DSP: variants seen among roughly 807,000 people sequenced by gnomAD.
The protein encoded by DSP is 250/210 kDa paraneoplastic pemphigus antigen.
In DSP, 114 loss-of-function variants were observed where a neutral mutation model predicts 290.6. The ratio of observed to expected loss-of-function variants is 0.39; its 90% CI spans 0.34 to 0.46. DSP has a LOEUF of 0.46. Among genes scored for constraint, DSP ranks in the 20% least tolerant of loss-of-function variants. DSP has a pLI of 0.99. For synonymous variants in DSP, 1,311 were observed against 1,316.4 expected (o/e 1.00, Z 0.09); for missense variants, 3,230 against 3,495.8 (o/e 0.92, Z 1.92).
chr6:7,544,766 C>G (rs1758123098), intron 1 of DSP, among the ~76,000 whole-genome samples: 1 of 152,142 alleles, frequency 6.6e-6, no homozygotes, highest in South Asian at 2.1e-4. Context: ...TATTAGATCT[C>G]ATTGTATCCT....
intron 15 of DSP, 123 bp downstream of exon 15, chr6:7,572,191 T>C: frequency 1.1e-6 from 1 of 900,194 alleles, no homozygotes; most frequent in South Asian, 1.5e-5. Context: ...AAAACAGGCT[T>C]CTGGCAGGAT....
chr6:7,559,173 G>A (rs1398018067), intron 3 of DSP, 53 bp from the exon 4 acceptor site: 21 of 1,601,740 alleles, frequency 1.3e-5, no homozygotes, highest in Middle Eastern at 1.8e-4. Context: ...TGCCCAGAAC[G>A]GGTTTTCATA....
At chr6:7,557,594 C>T (rs1266157823) in intron 2 of DSP, among the ~76,000 whole-genome samples, 1 of 152,166 alleles carries the variant, frequency 6.6e-6, no homozygotes, top group African/African-American at 2.4e-5. Context: ...GCAGGAGAAT[C>T]ACTTGAATCC....
rs1230995902 is a variant in DSP at position 7,569,330 on chromosome 6, C to G, written c.1564C>G (p.Leu522Val). 3.7e-6 allele frequency: 6 copies of G among 1,614,082 alleles called. No homozygotes were observed. The Admixed American group carries it at 6.7e-5, about 18-fold the overall frequency. The change falls in exon 12 of 24, where the codon CTC (leucine) becomes GTC (valine). Residue 522 changes from leucine to valine, a missense_variant. By Grantham distance (32) the Leu-to-Val change is conservative. Coordinates refer to ENST00000379802, the MANE Select transcript of DSP (RefSeq NM_004415.4). The stretch of plus-strand genomic sequence containing the variant: ...TCCTCCGAACCCACTGGCCGTGGAC[C>G]TCTCTTGCAAGTAAGTCATCCAAGT... ...IPPPNPLAVD[L>V]SCKIEQYYEA...
Position 7,575,216 on chromosome 6 carries a change from G to T in DSP, c.2437-79G>T, listed in dbSNP as rs1021036007. 5 of 1,450,436 alleles carry T rather than the reference G, an allele frequency of 3.4e-6. No homozygotes were observed. The African/African-American group carries it at 7.0e-5, about 20-fold the overall frequency. 89.8% of individuals were successfully genotyped at this position (1,450,436 alleles called of 1,614,324 possible). A position where few individuals can be genotyped will look rare whatever the true frequency, so the allele number is the denominator to read the frequency against. On this transcript the variant is annotated intron_variant, in intron 17 of 23. Transcript: ENST00000379802. ...TCTAAAGTGTTTTATAAACTTTGCCGCCCAATTTGGTGACTTGTAGTGTAG... is the reference window on the plus strand; with the variant it reads ...TCTAAAGTGTTTTATAAACTTTGCCTCCCAATTTGGTGACTTGTAGTGTAG...
chr6:7,578,738 GCTGCTT>G (rs1225188306), intron 22 of DSP, among the ~76,000 whole-genome samples, 176 bp downstream of exon 22: 2 of 152,160 alleles, frequency 1.3e-5, no homozygotes, highest in Non-Finnish European at 1.5e-5. Context: ...GCTCCAATAC[GCTGCTT>G]TAAATGAACT....
rs1759234598 is a variant in DSP at position 7,576,201 on chromosome 6, T to C, written c.2631-93T>C. 22 of 1,373,002 alleles carry C rather than the reference T, an allele frequency of 1.6e-5. No individual in the cohort carries two copies. The South Asian group carries it at 2.7e-4, about 17-fold the overall frequency. 85.1% of individuals were successfully genotyped at this position (1,373,002 alleles called of 1,614,324 possible). On this transcript the variant is annotated intron_variant, in intron 18 of 23. Coordinates refer to ENST00000379802, the MANE Select transcript of DSP (RefSeq NM_004415.4). ...TATGTGGGAATATGATCAGTTTTCT[T>C]GGGTATATATCAAGTGAATTTCTGG...
At chr6:7,552,167 A>G (rs1437199313) in intron 1 of DSP, among the ~76,000 whole-genome samples, 1 of 152,120 alleles carries the variant, frequency 6.6e-6, no homozygotes, top group East Asian at 1.9e-4. Flanking sequence ...CAACCCTTCA[A>G]AGGATTAGAT....
chr6:7,583,937 T>G lies in DSP; in HGVS notation c.6675T>G (p.Ser2225=). 1 of 1,614,230 alleles carries G rather than the reference T, an allele frequency of 6.2e-7. No homozygotes were observed. The highest frequency in any genetic ancestry group is 2.2e-5 in the East Asian group (1 of 44,884). The change falls in exon 24 of 24, where the codon TCT becomes TCG. Residue 2225 remains serine, a synonymous_variant. Coordinates refer to ENST00000379802, the MANE Select transcript of DSP (RefSeq NM_004415.4). This position sits in a 1 kb window ranked among gnomAD's most constrained non-coding sequence, Gnocchi z 4.0. ...TGACCGTCACTGAGCTAGTAGATTC[T>G]GGTATATTGAGACCGTCCACTGTCA... ...QPVTVTELVD[S]GILRPSTVNE... is the part of the protein sequence containing the mutation.
In DSP at chr6:7,579,221, T is replaced by C; in HGVS notation, c.3085-54T>C. ...TGGGAGGGGAAAAGTACTGCTTCTT[T>C]CTTGGAATGTGAGGTGTTTTTCTTT... On this transcript the variant is annotated intron_variant, in intron 22 of 23. Transcript: ENST00000379802. This position sits in a 1 kb window ranked among gnomAD's most constrained non-coding sequence, Gnocchi z 4.1. 1 of 1,604,468 alleles carries C rather than the reference T, an allele frequency of 6.2e-7. No individual in the cohort carries two copies. The highest frequency in any genetic ancestry group is 8.5e-7 in the Non-Finnish European group (1 of 1,175,040).
At position 7,585,462 on chromosome 6, in the gene DSP, G is replaced by C; in HGVS notation, c.8200G>C (p.Gly2734Arg). Reference protein sequence around the residue: ...QRFLEFQYLTGGLVDPEVHGR... With the variant: ...QRFLEFQYLTRGLVDPEVHGR... The stretch of plus-strand genomic sequence containing the variant: ...CTTCCTGGAGTTCCAGTACCTCACG[G>C]GAGGTCTTGTTGACCCGGAAGTGCA... The change falls in exon 24 of 24, where the codon GGA (glycine) becomes CGA (arginine). Residue 2734 changes from glycine to arginine, a missense_variant. Transcript: ENST00000379802. 6.2e-7 allele frequency: 1 copy of C among 1,614,174 alleles called. No homozygotes were observed. Among genetic ancestry groups the C allele is most frequent in the Non-Finnish European group, 8.5e-7 (1 of 1,180,030 alleles).
At chr6:7,562,968 A>G (rs551093958) in intron 5 of DSP, among the ~76,000 whole-genome samples, 188 bp downstream of exon 5, 58 of 152,312 alleles carry the variant, frequency 3.8e-4, no homozygotes, top group African/African-American at 1.3e-3. Flanking sequence ...TTATGTTAAC[A>G]CTTGAAGAGG....
rs564743290 is a variant in DSP, at chr6:7,548,191, C to T, written c.170+6106C>T. Among the ~76,000 whole-genome samples the T allele has an allele frequency of 2.6e-3, 390 of 151,958 alleles. 3 individuals are homozygous for T. Among genetic ancestry groups the T allele is most frequent in the African/African-American group, 9.1e-3 (375 of 41,436 alleles). On this transcript the variant is annotated intron_variant, in intron 1 of 23. Transcript: ENST00000379802. ...CTGAGGCAGAAGAATCGCTTGAACC[C>T]GGGAGGCAGAGGTTGCAGCGAGCTG... is the stretch of plus-strand genomic sequence containing the variant.
intron 1 of DSP, among the ~76,000 whole-genome samples, chr6:7,547,788 ACT>A (rs911424668): frequency 1.3e-4 from 19 of 151,590 alleles, no homozygotes; most frequent in African/African-American, 4.6e-4. Flanking sequence ...AAAGTGTATC[ACT>A]CTCTGTGAAT....
chr6:7,543,027 G>A (rs929159272), intron 1 of DSP, among the ~76,000 whole-genome samples: 2 of 152,158 alleles, frequency 1.3e-5, no homozygotes, highest in African/African-American at 4.8e-5. Flanking sequence ...AGCTTCTCCG[G>A]ATCCCAGCGG....
At position 7,571,866 on chromosome 6, in the gene DSP, A is replaced by G. The variant is rs1759064128; in HGVS notation, c.1928A>G (p.His643Arg). 2.5e-6 allele frequency: 4 copies of G among 1,613,438 alleles called. No homozygotes were observed. Among genetic ancestry groups the G allele is most frequent in the African/African-American group, 1.3e-5 (1 of 75,056 alleles). Residue 643 changes from histidine (H) to arginine (R), a missense_variant, in exon 15 of 24, where the codon CAT becomes CGT. By Grantham distance (29) the His-to-Arg change is conservative. Coordinates refer to ENST00000379802, the MANE Select transcript of DSP (RefSeq NM_004415.4). ...QTVTTTEITH[H>R]GTCQDVNHNK... ...GTGACCACAACTGAAATCACTCATC[A>G]TGGAACCTGCCAAGATGTCAACCAT...
rs56891607 is a variant in DSP, at chr6:7,573,118, A to ATG, written c.2131-948_2131-947dup. ...GCAAGACCCTTCTCTTTAAAAAAAA[A>ATG]TGTGTGTGTGTGTGTGTGTGTTTAT... On this transcript the variant is annotated intron_variant, in intron 15 of 23. Transcript: ENST00000379802. Among the ~76,000 whole-genome samples the ATG allele has an allele frequency of 6.6e-3, 996 of 149,992 alleles. 5 individuals carry two copies. Among genetic ancestry groups the ATG allele is most frequent in the Middle Eastern group, 0.041 (12 of 290 alleles).
rs569786610 is a variant in DSP, at chr6:7,580,261, G to C, written c.4071G>C (p.Glu1357Asp). ...GTAAGGTAAGAAACAATTATGATGA[G>C]GAGATCATTAGCTTAAAAAATCAGT... ...ELSKVRNNYDEEIISLKNQFE... is the reference protein window; with the variant it reads ...ELSKVRNNYDDEIISLKNQFE... Residue 1357 changes from glutamate to aspartate, a missense_variant, in exon 23 of 24, where the codon GAG becomes GAC. Coordinates refer to ENST00000379802, the MANE Select transcript of DSP (RefSeq NM_004415.4). This position sits in a 1 kb window ranked among gnomAD's most constrained non-coding sequence, Gnocchi z 4.2. 18 of 1,613,882 alleles carry C rather than the reference G, an allele frequency of 1.1e-5. No individual in the cohort carries two copies. In the East Asian group the frequency reaches 3.6e-4, roughly 32 times the overall value.
In DSP at chr6:7,582,690, C is replaced by T. The variant is rs397516946; in HGVS notation, c.5428C>T (p.Gln1810Ter). 6 of 1,613,558 alleles carry T rather than the reference C, an allele frequency of 3.7e-6. No individual in the cohort carries two copies. Among genetic ancestry groups the T allele is most frequent in the Non-Finnish European group, 5.1e-6 (6 of 1,179,886 alleles). The part of the protein sequence containing the change: ...ESKNQCTQVV[Q>*]ERESLLVKIK... ...AAAGAATCAGTGTACTCAGGTGGTA[C>T]AGGAAAGAGAGAGCCTTCTGGTGAA... Residue 1810 changes from glutamine (Q) to a stop codon, truncating the protein, a stop_gained, in exon 24 of 24, where the codon CAG becomes TAG. Coordinates refer to ENST00000379802, the MANE Select transcript of DSP (RefSeq NM_004415.4). LOFTEE classifies it high-confidence loss of function. This position sits in a 1 kb window ranked among gnomAD's most constrained non-coding sequence, Gnocchi z 4.2.
Sources: allele counts gnomAD v4.1 joint callset (sites outside exome capture counted in the v4.1 genomes callset), GRCh38; gene constraint gnomAD v4.1.1; non-coding constraint Gnocchi (gnomAD v3.1); transcripts MANE v1.5; gene names NCBI Gene and HGNC (gene_info 2026-07-23, HGNC 2026-07-21).